Variants in MARCHF1 observed in about 807,000 individuals in gnomAD.
MARCHF1 encodes the protein E3 ubiquitin-protein ligase MARCHF1.
A neutral mutation model predicts 54.2 loss-of-function variants in MARCHF1; 40 were observed. The ratio of observed to expected loss-of-function variants is 0.74; its 90% CI spans 0.57 to 0.96. The LOEUF (loss-of-function observed/expected upper bound fraction) is 0.96. MARCHF1 is among the 40% of genes least tolerant of loss of function. The pLI is 0.00. For missense variants in MARCHF1, 586 were observed against 656.5 expected, an observed-to-expected ratio of 0.89 and a Z score of 1.17; for synonymous variants, 236 against 236.3, an observed-to-expected ratio of 1.00 and a Z score of 0.01.
intron 4 of MARCHF1, among the ~76,000 whole-genome samples, chr4:163,842,221 G>C (rs1198110270): frequency 6.6e-6 from 1 of 151,970 alleles, no homozygotes; most frequent in East Asian, 1.9e-4. Flanking sequence ...ATGTATATGT[G>C]GTATCTACCT....
At chr4:164,368,780 A>G (rs967848392) in intron 1 of MARCHF1, among the ~76,000 whole-genome samples, 1 of 152,228 alleles carries the variant, frequency 6.6e-6, no homozygotes, top group Admixed American at 6.5e-5. Context: ...TGACTTCCAC[A>G]GTAAGGAGAA....
In MARCHF1 at chr4:164,174,398, T is replaced by G. The variant is rs185076470; in HGVS notation, c.-322-62736A>C. Among the ~76,000 whole-genome samples the G allele has an allele frequency of 1.2e-3, 190 of 152,342 alleles. 1 individual carries two copies. The highest frequency in any genetic ancestry group is 1.0e-3 in the Non-Finnish European group (70 of 68,036). On this transcript the variant is annotated intron_variant, in intron 1 of 9. Transcript: ENST00000514618. ...CTTCCTAGTTTCCTTCCTTCTGCCCTTTCTAAAATTATTTATTAAGCACTG... is the reference window on the plus strand; with the variant it reads ...CTTCCTAGTTTCCTTCCTTCTGCCCGTTCTAAAATTATTTATTAAGCACTG...
intron 1 of MARCHF1, among the ~76,000 whole-genome samples, chr4:164,149,825 G>A (rs891686967): frequency 6.6e-5 from 10 of 152,100 alleles, no homozygotes; most frequent in Non-Finnish European, 1.3e-4. Context: ...TGAATGTCTG[G>A]ATATTTCATA....
intron 4 of MARCHF1, among the ~76,000 whole-genome samples, chr4:163,783,124 T>C (rs1318672790): frequency 6.6e-6 from 1 of 152,238 alleles, no homozygotes; most frequent in Non-Finnish European, 1.5e-5. Flanking sequence ...ATTAGTTATC[T>C]GATATATGCC....
At chr4:164,350,887 C>T (rs1184237507) in intron 1 of MARCHF1, among the ~76,000 whole-genome samples, 10 of 152,024 alleles carry the variant, frequency 6.6e-5, no homozygotes, top group South Asian at 2.1e-4. Flanking sequence ...AGACAGTGGG[C>T]GCAGGCGAGT....
chr4:163,623,634 G>A (rs966456331), intron 5 of MARCHF1, among the ~76,000 whole-genome samples: 7 of 152,144 alleles, frequency 4.6e-5, no homozygotes, highest in African/African-American at 1.7e-4. Context: ...AATTCTAAGA[G>A]ATACTTTGGA....
intron 1 of MARCHF1, among the ~76,000 whole-genome samples, chr4:164,361,812 GA>G (rs1379635546): frequency 6.6e-6 from 1 of 151,930 alleles, no homozygotes; most frequent in Admixed American, 6.6e-5. Flanking sequence ...AATGGATTTT[GA>G]AATTACATTC....
At chr4:164,088,032 G>T (rs1354083319) in intron 2 of MARCHF1, among the ~76,000 whole-genome samples, 5 of 148,062 alleles carry the variant, frequency 3.4e-5, no homozygotes. Context: ...ATATGAATGA[G>T]TATTAGACAG....
chr4:164,372,471 T>C (rs1432822757), intron 1 of MARCHF1, among the ~76,000 whole-genome samples: 4 of 152,176 alleles, frequency 2.6e-5, no homozygotes, highest in Non-Finnish European at 5.9e-5. Flanking sequence ...GAAGTCAATA[T>C]TTTTTAACTG....
chr4:164,094,704 G>A (rs1446279595), intron 2 of MARCHF1, among the ~76,000 whole-genome samples: 1 of 152,086 alleles, frequency 6.6e-6, no homozygotes, highest in Non-Finnish European at 1.5e-5. Flanking sequence ...GCAAACTTCA[G>A]GAAAATTGAA....
chr4:163,616,655 G>A (rs150318503), intron 5 of MARCHF1, among the ~76,000 whole-genome samples: 230 of 152,142 alleles, frequency 1.5e-3, no homozygotes, highest in African/African-American at 5.2e-3. Context: ...TGTGCTGGAG[G>A]CTTCCTTGAG....
intron 4 of MARCHF1, among the ~76,000 whole-genome samples, chr4:163,823,073 C>G (rs1748739987): frequency 6.6e-6 from 1 of 151,752 alleles, no homozygotes; most frequent in Admixed American, 6.6e-5. Flanking sequence ...ACATCACTTA[C>G]AAAACTAATA....
chr4:164,081,421 G>T (rs1459578785), intron 2 of MARCHF1, among the ~76,000 whole-genome samples: 2 of 151,812 alleles, frequency 1.3e-5, no homozygotes, highest in Non-Finnish European at 2.9e-5. Flanking sequence ...ACAGATGTTT[G>T]TAAAACAATT....
chr4:164,085,915 AATC>A (rs1755184588), intron 2 of MARCHF1, among the ~76,000 whole-genome samples: 1 of 151,804 alleles, frequency 6.6e-6, no homozygotes, highest in Non-Finnish European at 1.5e-5. Flanking sequence ...TGAAAAAATA[AATC>A]TTGGCAAACT....
At chr4:164,054,807 T>C (rs1277461347) in intron 2 of MARCHF1, among the ~76,000 whole-genome samples, 20 of 142,548 alleles carry the variant, frequency 1.4e-4, no homozygotes, top group South Asian at 5.1e-4. Flanking sequence ...AGGGATAGCA[T>C]TGGGAGATAT....
chr4:164,347,128 C>T (rs981839091), intron 1 of MARCHF1, among the ~76,000 whole-genome samples: 1 of 151,986 alleles, frequency 6.6e-6, no homozygotes, highest in African/African-American at 2.4e-5. Context: ...TGGTACTCCA[C>T]ATTTGCCAAA....
chr4:163,962,464 GTTC>G (rs1470534891), intron 3 of MARCHF1, among the ~76,000 whole-genome samples: 1 of 151,740 alleles, frequency 6.6e-6, no homozygotes. Context: ...CAGGTCCATA[GTTC>G]TTATTTTTCT....
rs370504086 is a variant in MARCHF1 at position 164,326,957 on chromosome 4, TTGTGTGTGTGTG to T, written c.-323+56901_-323+56912del. 7.4e-4 allele frequency among the ~76,000 whole-genome samples: 99 copies of T among 133,718 alleles called. 1 individual carries two copies. The highest frequency in any genetic ancestry group is 7.8e-3 in the Middle Eastern group (2 of 256). The allele number at this position is 133,718 out of a possible 152,430, so 87.7% of individuals were successfully genotyped here. Reference sequence around the variant, plus strand: ...CTACCTCATAGGTTTGTTGTAAGGATTGTGTGTGTGTGTGTGTGTGTGTGTGTGTGTGTGTGT... The same window carrying T: ...CTACCTCATAGGTTTGTTGTAAGGATTGTGTGTGTGTGTGTGTGTGTGTGT... On this transcript the variant is annotated intron_variant, in intron 1 of 9. Transcript: ENST00000514618.
chr4:164,001,830 T>G (rs1384658482), intron 2 of MARCHF1, among the ~76,000 whole-genome samples: 1 of 151,858 alleles, frequency 6.6e-6, no homozygotes, highest in Non-Finnish European at 1.5e-5. Flanking sequence ...CCCTTGAGTC[T>G]TTGGTTACAC....
Sources: gnomAD v4.1 joint callset for allele counts (sites outside exome capture counted in the v4.1 genomes callset) on GRCh38, gnomAD v4.1.1 for gene constraint, MANE v1.5 for transcripts, NCBI Gene and HGNC (gene_info 2026-07-23, HGNC 2026-07-21) for gene names.